Variants in DIPK2B observed in about 807,000 individuals in gnomAD.
DIPK2B encodes the protein divergent protein kinase domain 2B.
In DIPK2B, 15 loss-of-function variants were observed where a neutral mutation model predicts 22.2. That is an observed-to-expected ratio of 0.68 (90% CI 0.45 to 1.04). The LOEUF is 1.04. DIPK2B is among the 50% of genes least tolerant of loss of function. The pLI, the probability that DIPK2B is intolerant of heterozygous loss-of-function variation, is 0.00. For missense variants in DIPK2B, 345 were observed against 348.3 expected (o/e 0.99, Z 0.08); for synonymous variants, 163 against 153.2 (o/e 1.06, Z -0.47).
chrX:45,180,596 C>CA (rs1174049971), intron 2 of DIPK2B, among the ~76,000 whole-genome samples: 7 of 110,247 alleles, frequency 6.3e-5, no homozygotes, highest in Admixed American at 9.6e-5. Context: ...TGGAAAAATT[C>CA]AAAAAAAATC....
rs1012178396 is a variant in DIPK2B at position 45,163,211 on chromosome X, G to A, written c.499-5323C>T. ...TTTTAAGGAACAAGGAATTCTATCT[G>A]CAAACTACAGCATCAGCTCCTGCCC... is the stretch of plus-strand genomic sequence containing the variant. On this transcript the variant is annotated intron_variant, in intron 2 of 4. Transcript: ENST00000398000. 22 of 206,551 alleles carry A rather than the reference G, an allele frequency of 1.1e-4. 1 individual carries two copies. The highest frequency in any genetic ancestry group is 1.2e-4 in the African/African-American group (4 of 32,484). 17.0% of individuals were successfully genotyped at this position (206,551 alleles called of 1,213,427 possible). A position where few individuals can be genotyped will look rare whatever the true frequency, so the allele number is the denominator to read the frequency against.
rs1347880285 is a variant in DIPK2B, at chrX:45,151,456, C to A, written c.*196G>T. 4.5e-6 allele frequency: 2 copies of A among 449,328 alleles called. No individual in the cohort carries two copies. The highest frequency in any genetic ancestry group is 3.7e-5 in the East Asian group (1 of 26,757). The allele number at this position is 449,328 out of a possible 1,213,427, so 37.0% of individuals were successfully genotyped here. On this transcript the variant is annotated 3_prime_UTR_variant, in exon 5 of 5. Coordinates refer to ENST00000398000, the MANE Select transcript of DIPK2B (RefSeq NM_176819.4). ...CACCCAGGTCTTCTGATGCCCACCG[C>A]GGGCTTTGCCAGGACGTCCCAGCCA...
chrX:45,167,175 CT>C (rs1489283154), intron 2 of DIPK2B, among the ~76,000 whole-genome samples: 1 of 111,959 alleles, frequency 8.9e-6, no homozygotes, highest in Non-Finnish European at 1.9e-5. Context: ...AATGAAAACT[CT>C]TTTTTGGTTT....
intron 2 of DIPK2B, among the ~76,000 whole-genome samples, chrX:45,179,802 A>G (rs988627699): frequency 8.9e-6 from 1 of 112,177 alleles, no homozygotes; most frequent in Non-Finnish European, 1.9e-5. Context: ...GAAATAAATC[A>G]ATGCAATTTA....
In DIPK2B at chrX:45,157,898, G is replaced by C. The variant is rs1326199939; in HGVS notation, c.499-10C>G. 2 of 1,132,728 alleles carry C rather than the reference G, an allele frequency of 1.8e-6. No homozygotes were observed. Among genetic ancestry groups the C allele is most frequent in the Non-Finnish European group, 2.3e-6 (2 of 852,723 alleles). 93.3% of individuals were successfully genotyped at this position (1,132,728 alleles called of 1,213,427 possible). A position where few individuals can be genotyped will look rare whatever the true frequency, so the allele number is the denominator to read the frequency against. On this transcript the variant is annotated splice_polypyrimidine_tract_variant and intron_variant, in intron 2 of 4. Transcript: ENST00000398000. The stretch of plus-strand genomic sequence containing the variant: ...GCGGGCTGGCCAGGCCCTACGCGCA[G>C]GTGGGAGAGAGGCGGGAGAAGAAGG...
chrX:45,187,776 G>A (rs774413633), intron 2 of DIPK2B, among the ~76,000 whole-genome samples: 2 of 111,116 alleles, frequency 1.8e-5, no homozygotes, highest in Admixed American at 1.9e-4. Flanking sequence ...CCTCCCTTTC[G>A]TTTACTTTTA....
chrX:45,153,796 A>G (rs1295074499), intron 4 of DIPK2B, 114 bp downstream of exon 4: 6 of 584,926 alleles, frequency 1.0e-5, no homozygotes, highest in Non-Finnish European at 1.6e-5. Flanking sequence ...GGCTCTCACT[A>G]TGACATGCAG....
intron 4 of DIPK2B, among the ~76,000 whole-genome samples, 163 bp from the exon 5 acceptor site, chrX:45,152,155 C>T (rs958891524): frequency 9.0e-6 from 1 of 111,277 alleles, no homozygotes; most frequent in African/African-American, 3.3e-5. Context: ...GTCAGGAGTC[C>T]GAGGCCAGCC....
rs754325031 is a variant in DIPK2B at position 45,191,827 on chromosome X, A to G, written c.422T>C (p.Ile141Thr). The change falls in exon 2 of 5, where the codon ATT (isoleucine) becomes ACT (threonine). Residue 141 changes from isoleucine to threonine, a missense_variant. Transcript: ENST00000398000. ...ASASAPKTCSIERVLRKTERF... is the reference protein window; with the variant it reads ...ASASAPKTCSTERVLRKTERF... Reference sequence around the variant, plus strand: ...CTCTGTTTTCCGCAGGACACGCTCAATGCTGCAGGTCTTTGGGGCTGATGC... The same window carrying G: ...CTCTGTTTTCCGCAGGACACGCTCAGTGCTGCAGGTCTTTGGGGCTGATGC... 1.7e-6 allele frequency: 2 copies of G among 1,210,613 alleles called. No individual in the cohort carries two copies. Among genetic ancestry groups the G allele is most frequent in the Admixed American group, 2.2e-5 (1 of 45,883 alleles).
At chrX:45,158,743 C>T (rs1036405635) in intron 2 of DIPK2B, among the ~76,000 whole-genome samples, 2 of 111,995 alleles carry the variant, frequency 1.8e-5, no homozygotes, top group African/African-American at 6.5e-5. Context: ...TACTTAGTCT[C>T]TCTGTACCTC....
intron 2 of DIPK2B, among the ~76,000 whole-genome samples, chrX:45,161,646 G>A (rs894410448): frequency 4.4e-5 from 5 of 112,600 alleles, no homozygotes; most frequent in African/African-American, 1.6e-4. Context: ...AAAGAGTGGA[G>A]GCAGGAAGGC....
intron 2 of DIPK2B, among the ~76,000 whole-genome samples, chrX:45,175,436 T>C (rs1220522398): frequency 9.1e-6 from 1 of 109,658 alleles, no homozygotes; most frequent in East Asian, 2.9e-4. Flanking sequence ...ACATATACAA[T>C]TTACTTTTAA....
At chrX:45,179,469 T>C (rs761100172) in intron 2 of DIPK2B, among the ~76,000 whole-genome samples, 95 of 110,832 alleles carry the variant, frequency 8.6e-4, no homozygotes, top group Non-Finnish European at 1.6e-3. Context: ...GATATTATAG[T>C]AGAAACAAGG....
chrX:45,176,154 C>A (rs779699303), intron 2 of DIPK2B, among the ~76,000 whole-genome samples: 7 of 110,579 alleles, frequency 6.3e-5, no homozygotes. Context: ...AAACAGACAA[C>A]AAAAAGGTAG....
chrX:45,153,396 G>A (rs1390019053), intron 4 of DIPK2B, among the ~76,000 whole-genome samples: 1 of 110,386 alleles, frequency 9.1e-6, no homozygotes, highest in Non-Finnish European at 1.9e-5. Context: ...CAGTGAATCA[G>A]CCTGATATTT....
intron 3 of DIPK2B, among the ~76,000 whole-genome samples, chrX:45,155,664 G>A (rs748803788): frequency 4.1e-4 from 45 of 109,076 alleles, no homozygotes; most frequent in African/African-American, 1.4e-3. Flanking sequence ...CCTAAAACTG[G>A]CCTAGGGAAG....
In DIPK2B at chrX:45,173,791, G is replaced by A. The variant is rs929730565; in HGVS notation, c.499-15903C>T. ...TTGCTATGTTGCCCAGGCTGGTCTC[G>A]AACTCCTGAGCTCAAGCGATCCTCC... On this transcript the variant is annotated intron_variant, in intron 2 of 4. Transcript: ENST00000398000. Among the ~76,000 whole-genome samples the A allele has an allele frequency of 2.7e-5, 3 of 109,654 alleles. No homozygotes were observed. The South Asian group carries it at 1.2e-3, about 43-fold the overall frequency.
intron 2 of DIPK2B, among the ~76,000 whole-genome samples, chrX:45,171,404 C>T (rs1169957548): frequency 4.5e-5 from 5 of 111,551 alleles, no homozygotes; most frequent in African/African-American, 1.6e-4. Flanking sequence ...TTCTCAGACT[C>T]TGCCCCAGAC....
intron 2 of DIPK2B, among the ~76,000 whole-genome samples, chrX:45,161,735 CAA>C (rs1481741846): frequency 2.7e-5 from 3 of 111,826 alleles, no homozygotes; most frequent in African/African-American, 9.8e-5. Context: ...GCAGAATATA[CAA>C]GTCTTGGTGA....
Sources: allele counts gnomAD v4.1 joint callset (sites outside exome capture counted in the v4.1 genomes callset), GRCh38; gene constraint gnomAD v4.1.1; transcripts MANE v1.5; gene names NCBI Gene and HGNC (gene_info 2026-07-23, HGNC 2026-07-21).